The following NR3C1 variants were observed in gnomAD, a reference collection of about 807,000 sequenced individuals.
NR3C1 encodes the protein glucocorticoid receptor.
Under a neutral mutation model 74.0 loss-of-function variants are expected in NR3C1, and 14 were observed. That is an observed-to-expected ratio of 0.19 (90% CI 0.12 to 0.30). The LOEUF (loss-of-function observed/expected upper bound fraction) is 0.30, where lower values mean the gene tolerates loss of function less well. NR3C1 is among the 10% of genes least tolerant of loss of function. The pLI, the probability that NR3C1 is intolerant of heterozygous loss-of-function variation, is 1.00. For synonymous variants in NR3C1, 308 were observed against 332.5 expected, an observed-to-expected ratio of 0.93 and a Z score of 0.80; for missense variants, 695 against 909.8, an observed-to-expected ratio of 0.76 and a Z score of 3.04.
At chr5:143,374,805 G>T (rs1195053757) in intron 2 of NR3C1, among the ~76,000 whole-genome samples, 3 of 152,004 alleles carry the variant, frequency 2.0e-5, no homozygotes, top group Non-Finnish European at 2.9e-5. Context: ...ATCCTTCGGA[G>T]GTCCTCATTC....
intron 2 of NR3C1, among the ~76,000 whole-genome samples, chr5:143,364,646 A>C (rs1832883787): frequency 6.6e-6 from 1 of 152,230 alleles, no homozygotes; most frequent in African/African-American, 2.4e-5. Flanking sequence ...GAAGAGGTAT[A>C]CAGAGGCAAA....
intron 2 of NR3C1, among the ~76,000 whole-genome samples, chr5:143,370,045 AG>A (rs1175789652): frequency 6.6e-6 from 1 of 152,236 alleles, no homozygotes; most frequent in Admixed American, 6.5e-5. Flanking sequence ...ATAGAAGAGC[AG>A]ATTAAATTGG....
intron 2 of NR3C1, among the ~76,000 whole-genome samples, chr5:143,373,475 TA>T (rs1368128619): frequency 7.2e-6 from 1 of 138,616 alleles, no homozygotes; most frequent in Non-Finnish European, 1.6e-5. Context: ...GGTGGGGGGC[TA>T]GGGGAGGGAT....
intron 6 of NR3C1, among the ~76,000 whole-genome samples, chr5:143,297,075 CAAAAAAAAAAAAA>C (rs766243522): frequency 1.6e-5 from 1 of 60,630 alleles, no homozygotes; most frequent in Admixed American, 1.9e-4. Flanking sequence ...AGACTCGTCT[CAAAAAAAAAAAAA>C]AAAAAAAAGA....
chr5:143,403,440 G>C lies in NR3C1; in HGVS notation c.-243C>G. The C allele has an allele frequency of 2.4e-6, 2 of 838,902 alleles. No homozygotes were observed. Among genetic ancestry groups the C allele is most frequent in the Non-Finnish European group, 2.6e-6 (2 of 762,134 alleles). The allele number at this position is 838,902 out of a possible 1,614,324, so 52.0% of individuals were successfully genotyped here. A position where few individuals can be genotyped will look rare whatever the true frequency, so the allele number is the denominator to read the frequency against. On this transcript the variant is annotated 5_prime_UTR_variant, in exon 1 of 9. Transcript: ENST00000394464. ...AGCCCTCCGCCCCGCGCCGGGCTCC[G>C]CGGGTCGAGGTTCCGGGCGCGCGTG...
At position 143,300,873 on chromosome 5, in the gene NR3C1, A is replaced by T. The variant is rs1818353465; in HGVS notation, c.1469-110T>A. The stretch of plus-strand genomic sequence containing the variant: ...TTCTAAAACTATTAAGATGGGAGAA[A>T]TATTTTATTTAGCAATTATGATAAA... On this transcript the variant is annotated intron_variant, in intron 4 of 8. Transcript: ENST00000394464. This position sits in a 1 kb window ranked among gnomAD's most constrained non-coding sequence, Gnocchi z 5.2. 3 of 1,124,698 alleles carry T rather than the reference A, an allele frequency of 2.7e-6. No homozygotes were observed. Among genetic ancestry groups the T allele is most frequent in the Admixed American group, 2.9e-5 (1 of 35,082 alleles). The allele number at this position is 1,124,698 out of a possible 1,614,324, so 69.7% of individuals were successfully genotyped here. A position where few individuals can be genotyped will look rare whatever the true frequency, so the allele number is the denominator to read the frequency against.
intron 1 of NR3C1, among the ~76,000 whole-genome samples, chr5:143,411,863 G>A (rs534106266): frequency 2.0e-5 from 3 of 152,052 alleles, no homozygotes; most frequent in Non-Finnish European, 4.4e-5. Flanking sequence ...GGGGCTAAGG[G>A]AGAAAGCAGG....
In NR3C1 at chr5:143,281,969, T is replaced by A; in HGVS notation, c.2254A>T (p.Met752Leu). 6.2e-7 allele frequency: 1 copy of A among 1,613,588 alleles called. No individual in the cohort carries two copies. The highest frequency in any genetic ancestry group is 8.5e-7 in the Non-Finnish European group (1 of 1,179,658). The part of the protein sequence containing the change: ...DKTMSIEFPE[M>L]LAEIITNQIP... Reference sequence around the variant, plus strand: ...TGATTGGTGATGATTTCAGCTAACATCTCGGGGAATTCAATACTCATGGTC... The same window carrying A: ...TGATTGGTGATGATTTCAGCTAACAACTCGGGGAATTCAATACTCATGGTC... Residue 752 changes from methionine to leucine, a missense_variant, in exon 9 of 9, where the codon ATG becomes TTG. Met to Leu is a conservative substitution (Grantham distance 15). This residue lies in a region of NR3C1 where 133 missense variants were observed against 287.9 expected (regional missense o/e 0.46). Coordinates refer to ENST00000394464, the MANE Select transcript of NR3C1 (RefSeq NM_000176.3).
At chr5:143,431,496 G>C (rs1022258431) in intron 1 of NR3C1, among the ~76,000 whole-genome samples, 4 of 152,062 alleles carry the variant, frequency 2.6e-5, no homozygotes, top group Admixed American at 6.5e-5. Flanking sequence ...GGGCCTGTCA[G>C]GGGGTGGGGG....
chr5:143,324,633 A>G (rs1561568826), intron 2 of NR3C1, among the ~76,000 whole-genome samples: 1 of 152,220 alleles, frequency 6.6e-6, no homozygotes, highest in African/African-American at 2.4e-5. Context: ...ACTTATGCAA[A>G]TATCTGCAGC....
At chr5:143,320,270 A>AT (rs1469694886) in intron 2 of NR3C1, among the ~76,000 whole-genome samples, 2 of 152,222 alleles carry the variant, frequency 1.3e-5, no homozygotes, top group African/African-American at 4.8e-5. Context: ...AACACATTTT[A>AT]TCTTATTTAA....
Position 143,282,707 on chromosome 5 carries a change from T to C in NR3C1, c.2042A>G (p.Lys681Arg). 4 of 1,613,968 alleles carry C rather than the reference T, an allele frequency of 2.5e-6. No homozygotes were observed. Among genetic ancestry groups the C allele is most frequent in the Non-Finnish European group, 2.5e-6 (3 of 1,179,920 alleles). ...AATTTCATCAAATAGCTCTTGGCTC[T>C]TCAGACCGTCCTTAGGAACTAAAAG... is the stretch of plus-strand genomic sequence containing the variant. ...LLSSVPKDGL[K>R]SQELFDEIRM... The change falls in exon 8 of 9, where the codon AAG becomes AGG. Residue 681 changes from lysine to arginine, a missense_variant. Lys to Arg is a conservative substitution (Grantham distance 26). This residue lies in a region of NR3C1 where 133 missense variants were observed against 287.9 expected (regional missense o/e 0.46). Coordinates refer to ENST00000394464, the MANE Select transcript of NR3C1 (RefSeq NM_000176.3).
At chr5:143,297,021 G>A (rs1014367758) in intron 6 of NR3C1, among the ~76,000 whole-genome samples, 1 of 144,240 alleles carries the variant, frequency 6.9e-6, no homozygotes, top group African/African-American at 2.6e-5. Context: ...AGGTTGCCAT[G>A]AGCCAAGATC....
At chr5:143,285,541 G>A (rs1814209939) in intron 7 of NR3C1, among the ~76,000 whole-genome samples, 1 of 152,098 alleles carries the variant, frequency 6.6e-6, no homozygotes, top group Non-Finnish European at 1.5e-5. Flanking sequence ...AATACATTTA[G>A]GAGGATTAAG....
intron 2 of NR3C1, among the ~76,000 whole-genome samples, chr5:143,336,987 A>C (rs112222324): frequency 1.3e-4 from 20 of 152,202 alleles, no homozygotes; most frequent in African/African-American, 4.3e-4. Context: ...CAAAAAATAC[A>C]TACATACATA....
At chr5:143,424,539 A>G (rs1751431373) in intron 1 of NR3C1, among the ~76,000 whole-genome samples, 2 of 152,020 alleles carry the variant, frequency 1.3e-5, no homozygotes, top group Admixed American at 1.3e-4. Flanking sequence ...TTTTTAAAAG[A>G]AAAAAAACCC....
Position 143,278,969 on chromosome 5 carries a change from A to G in NR3C1, c.*2920T>C, listed in dbSNP as rs1812715148. 1 of 194,352 alleles carries G rather than the reference A, an allele frequency of 5.1e-6. No individual in the cohort carries two copies. Among genetic ancestry groups the G allele is most frequent in the Non-Finnish European group, 1.0e-5 (1 of 96,536 alleles). The allele number at this position is 194,352 out of a possible 1,614,324, so 12.0% of individuals were successfully genotyped here. On this transcript the variant is annotated 3_prime_UTR_variant, in exon 9 of 9. Coordinates refer to ENST00000394464, the MANE Select transcript of NR3C1 (RefSeq NM_000176.3). The stretch of plus-strand genomic sequence containing the variant: ...ATATACCCCAAAAGTGTTATGTCCT[A>G]AGTGCCTCAGTTCTGCTTGTATAGT...
intron 1 of NR3C1, among the ~76,000 whole-genome samples, chr5:143,425,846 C>T (rs183058285): frequency 9.7e-4 from 148 of 152,262 alleles, no homozygotes; most frequent in African/African-American, 2.9e-3. Context: ...CATAGAGTTA[C>T]TATATGACCC....
chr5:143,344,350 A>T (rs1828812889), intron 2 of NR3C1, among the ~76,000 whole-genome samples: 1 of 152,226 alleles, frequency 6.6e-6, no homozygotes, highest in Non-Finnish European at 1.5e-5. Context: ...AAATAATAGC[A>T]AAGACAACAA....
Sources: gnomAD v4.1 joint callset for allele counts (sites outside exome capture counted in the v4.1 genomes callset) on GRCh38, gnomAD v4.1.1 for gene constraint, gnomAD v4.1.1 regional missense constraint, Gnocchi (gnomAD v3.1) non-coding constraint, MANE v1.5 for transcripts, NCBI Gene and HGNC (gene_info 2026-07-23, HGNC 2026-07-21) for gene names.